The following NKAIN3 variants were observed in gnomAD, a reference collection of about 807,000 sequenced individuals.
The protein encoded by NKAIN3 is sodium/potassium transporting ATPase interacting 3.
In NKAIN3, 25 loss-of-function variants were observed where a neutral mutation model predicts 30.2. That is an observed-to-expected ratio of 0.83 (90% CI 0.60 to 1.16). The LOEUF (loss-of-function observed/expected upper bound fraction) is 1.16, where lower values mean the gene tolerates loss of function less well. Ranked by LOEUF, NKAIN3 falls within the 50% of genes most tolerant of loss-of-function variation. NKAIN3 has a pLI of 0.00. For missense variants in NKAIN3, 225 were observed against 254.1 expected (o/e 0.89, Z 0.78); for synonymous variants, 91 against 89.6 (o/e 1.02, Z -0.09).
At chr8:62,374,647 A>C (rs953865249) in intron 1 of NKAIN3, among the ~76,000 whole-genome samples, 1 of 152,224 alleles carries the variant, frequency 6.6e-6, no homozygotes, top group African/African-American at 2.4e-5. Context: ...CACATTGTTT[A>C]ACTATTAAAG....
chr8:62,863,412 G>T, intron 4 of NKAIN3: 1 of 1,549,012 alleles, frequency 6.5e-7, no homozygotes, highest in Non-Finnish European at 8.8e-7. Flanking sequence ...GCGGCTTTAT[G>T]TCAGTATGAG....
chr8:62,387,187 G>A (rs1330748974), intron 1 of NKAIN3, among the ~76,000 whole-genome samples: 1 of 151,948 alleles, frequency 6.6e-6, no homozygotes. Context: ...TTAAAATCAG[G>A]GAATCATCAA....
chr8:62,946,786 G>A (rs1225378450), intron 5 of NKAIN3, among the ~76,000 whole-genome samples: 2 of 152,188 alleles, frequency 1.3e-5, no homozygotes, highest in Non-Finnish European at 1.5e-5. Context: ...GGAACAGAAA[G>A]CAAGCTCAGA....
At chr8:62,533,269 TA>T (rs1378602645) in intron 1 of NKAIN3, among the ~76,000 whole-genome samples, 2 of 152,150 alleles carry the variant, frequency 1.3e-5, no homozygotes, top group African/African-American at 2.4e-5. Flanking sequence ...GGGACACATG[TA>T]AAAAGATGGA....
chr8:62,684,909 C>A (rs990093833), intron 3 of NKAIN3, among the ~76,000 whole-genome samples: 1 of 152,136 alleles, frequency 6.6e-6, no homozygotes, highest in Admixed American at 6.5e-5. Context: ...GCCCTGTCTA[C>A]TCCTTGATTT....
At chr8:62,570,916 G>A (rs1809915260) in intron 1 of NKAIN3, among the ~76,000 whole-genome samples, 1 of 152,132 alleles carries the variant, frequency 6.6e-6, no homozygotes, top group African/African-American at 2.4e-5. Context: ...GAAAGCATTT[G>A]ATCAAACGAT....
At chr8:62,474,127 C>T (rs144722702) in intron 1 of NKAIN3, 64 of 152,252 alleles carry the variant, frequency 4.2e-4, no homozygotes, top group African/African-American at 1.4e-3. Flanking sequence ...AGTGGAATCC[C>T]ACTTTCAATT....
At chr8:62,523,959 T>C (rs964756307) in intron 1 of NKAIN3, among the ~76,000 whole-genome samples, 1 of 152,150 alleles carries the variant, frequency 6.6e-6, no homozygotes. Flanking sequence ...TCCAGCCTTA[T>C]TATTTTACAG....
rs199644256 is a variant in NKAIN3 at position 62,320,732 on chromosome 8, G to T, written c.54+71605G>T. 8.5e-5 allele frequency among the ~76,000 whole-genome samples: 13 copies of T among 152,268 alleles called. No individual in the cohort carries two copies. The East Asian group carries it at 2.3e-3, about 27-fold the overall frequency. On this transcript the variant is annotated intron_variant, in intron 1 of 6. Coordinates refer to ENST00000623646, the MANE Select transcript of NKAIN3 (RefSeq NM_001304533.3). ...TAGTCTGATGGGCTTCCCTTTGTGG[G>T]TATCCCGACCTTTCTCTCTGTTTGC... is the stretch of plus-strand genomic sequence containing the variant.
intron 4 of NKAIN3, among the ~76,000 whole-genome samples, chr8:62,748,245 G>T (rs895265144): frequency 6.6e-6 from 1 of 152,082 alleles, no homozygotes; most frequent in African/African-American, 2.4e-5. Context: ...TCAATCTTGA[G>T]CTTTGCTGGG....
chr8:62,608,635 G>A (rs1409098744), intron 3 of NKAIN3, among the ~76,000 whole-genome samples: 1 of 152,118 alleles, frequency 6.6e-6, no homozygotes. Flanking sequence ...ACTTTTCCAA[G>A]ATACTCTCTT....
At chr8:62,821,979 C>A (rs1016415472) in intron 4 of NKAIN3, among the ~76,000 whole-genome samples, 3 of 151,930 alleles carry the variant, frequency 2.0e-5, no homozygotes, top group East Asian at 1.9e-4. Context: ...TACGGAAAAG[C>A]CTTTATAGAG....
At chr8:62,827,840 T>C (rs1490751835) in intron 4 of NKAIN3, among the ~76,000 whole-genome samples, 1 of 152,222 alleles carries the variant, frequency 6.6e-6, no homozygotes, top group Non-Finnish European at 1.5e-5. Flanking sequence ...GGCTTATATG[T>C]AAATTATAAA....
chr8:62,280,616 G>T (rs1051895983), intron 1 of NKAIN3, among the ~76,000 whole-genome samples: 7 of 152,136 alleles, frequency 4.6e-5, no homozygotes, highest in Non-Finnish European at 7.4e-5. Flanking sequence ...GGCCTTTTCT[G>T]CATCTATTGA....
intron 4 of NKAIN3, among the ~76,000 whole-genome samples, chr8:62,756,077 C>T (rs1042945814): frequency 6.6e-6 from 1 of 152,130 alleles, no homozygotes; most frequent in African/African-American, 2.4e-5. Flanking sequence ...ACATTTTTGT[C>T]AGACTTACTG....
chr8:62,769,525 A>G (rs1398869434), intron 4 of NKAIN3, among the ~76,000 whole-genome samples: 1 of 152,190 alleles, frequency 6.6e-6, no homozygotes, highest in Non-Finnish European at 1.5e-5. Flanking sequence ...AAAATTCACC[A>G]ATGAATTGAC....
intron 1 of NKAIN3, among the ~76,000 whole-genome samples, chr8:62,512,785 A>G (rs1436155945): frequency 6.6e-6 from 1 of 152,102 alleles, no homozygotes; most frequent in African/African-American, 2.4e-5. Flanking sequence ...CACATGTTGA[A>G]GCTCAGGTAA....
intron 4 of NKAIN3, among the ~76,000 whole-genome samples, chr8:62,867,003 C>T (rs972729517): frequency 1.4e-5 from 2 of 147,298 alleles, no homozygotes; most frequent in South Asian, 2.1e-4. Flanking sequence ...TGCAGTGAGC[C>T]GAGATTGCGC....
chr8:62,606,064 C>T (rs1318777121), intron 3 of NKAIN3, among the ~76,000 whole-genome samples: 2 of 152,078 alleles, frequency 1.3e-5, no homozygotes, highest in Non-Finnish European at 2.9e-5. Flanking sequence ...AAGTGCTTTT[C>T]GTTGCCACTC....
Sources: allele counts gnomAD v4.1 joint callset (sites outside exome capture counted in the v4.1 genomes callset), GRCh38; gene constraint gnomAD v4.1.1; transcripts MANE v1.5; gene names NCBI Gene and HGNC (gene_info 2026-07-23, HGNC 2026-07-21).